The following CEP350 variants were observed in gnomAD, a reference collection of about 807,000 sequenced individuals.
CEP350 encodes the protein centrosome-associated protein 350.
CEP350 carries 126 observed loss-of-function variants against 331.8 expected under a neutral mutation model. The observed-to-expected ratio is 0.38, with a 90% CI of 0.33 to 0.44. CEP350 has a LOEUF of 0.44. CEP350 is among the 20% of genes least tolerant of loss of function. The pLI, the probability that CEP350 is intolerant of heterozygous loss-of-function variation, is 1.00. For missense variants in CEP350, 3,406 were observed against 3,634.6 expected, an observed-to-expected ratio of 0.94 and a Z score of 1.62; for synonymous variants, 1,200 against 1,259.5, an observed-to-expected ratio of 0.95 and a Z score of 1.00.
intron 29 of CEP350, among the ~76,000 whole-genome samples, chr1:180,078,979 A>C (rs1248287449): frequency 1.3e-5 from 2 of 152,172 alleles, no homozygotes; most frequent in Admixed American, 6.5e-5. Flanking sequence ...GTTTTTTCAC[A>C]TAACAAAAAC....
intron 14 of CEP350, among the ~76,000 whole-genome samples, chr1:180,027,368 C>A (rs1464148436): frequency 6.6e-6 from 1 of 152,044 alleles, no homozygotes; most frequent in East Asian, 1.9e-4. Flanking sequence ...GAATACTATT[C>A]TGTTTTGGCT....
At chr1:179,968,762 A>G (rs1020475073) in intron 1 of CEP350, 5 of 632,444 alleles carry the variant, frequency 7.9e-6, no homozygotes, top group African/African-American at 1.8e-5. Flanking sequence ...CAGTACATCT[A>G]TAAAAGGAAA....
chr1:180,110,603 T>C (rs981906514), intron 37 of CEP350, among the ~76,000 whole-genome samples: 1 of 152,238 alleles, frequency 6.6e-6, no homozygotes, highest in African/African-American at 2.4e-5. Flanking sequence ...GCGAATTTAT[T>C]GGACATAACT....
intron 14 of CEP350, among the ~76,000 whole-genome samples, chr1:180,029,821 C>A (rs1655897423): frequency 6.6e-6 from 1 of 152,196 alleles, no homozygotes; most frequent in Admixed American, 6.5e-5. Context: ...AATAATAACT[C>A]TCATTCTCCT....
intron 1 of CEP350, among the ~76,000 whole-genome samples, chr1:179,959,098 T>C (rs1298385288): frequency 1.2e-5 from 1 of 86,522 alleles, no homozygotes; most frequent in Non-Finnish European, 2.5e-5. Flanking sequence ...TTGAATGTGA[T>C]TTTTAGAGAT....
chr1:179,975,685 T>C (rs1651811451), intron 1 of CEP350, among the ~76,000 whole-genome samples: 1 of 152,148 alleles, frequency 6.6e-6, no homozygotes, highest in Non-Finnish European at 1.5e-5. Flanking sequence ...TCCAATTTAT[T>C]AAGAGTACAA....
chr1:180,043,188 G>C lies in CEP350; in HGVS notation c.4495G>C (p.Asp1499His). The change falls in exon 20 of 38, where the codon GAT (aspartate) becomes CAT (histidine). Residue 1499 changes from aspartate (D) to histidine (H), a missense_variant. Coordinates refer to ENST00000367607, the MANE Select transcript of CEP350 (RefSeq NM_014810.5). ...ACAGCTGAGGACCAGAACTGAAACA[G>C]ATAGGTTAATATTCATTCAGTCAGC... ...VKQLRTRTETDRKSPSVSLSQ... is the reference protein window; with the variant it reads ...VKQLRTRTETHRKSPSVSLSQ... The C allele has an allele frequency of 6.2e-7, 1 of 1,610,670 alleles. No homozygotes were observed. Among genetic ancestry groups the C allele is most frequent in the African/African-American group, 1.3e-5 (1 of 74,884 alleles).
chr1:180,004,148 A>G (rs1213677056), intron 7 of CEP350, among the ~76,000 whole-genome samples: 1 of 152,206 alleles, frequency 6.6e-6, no homozygotes, highest in African/African-American at 2.4e-5. Context: ...TTAGTTGAGT[A>G]TACTAGCTAT....
At chr1:180,025,256 A>T (rs957756584) in intron 14 of CEP350, among the ~76,000 whole-genome samples, 58 of 152,314 alleles carry the variant, frequency 3.8e-4, no homozygotes, top group African/African-American at 1.3e-3. Flanking sequence ...TTTTTAAAAA[A>T]ACTTTATAGT....
At chr1:180,064,276 C>G (rs1330137147) in intron 26 of CEP350, among the ~76,000 whole-genome samples, 1 of 152,082 alleles carries the variant, frequency 6.6e-6, no homozygotes, top group Non-Finnish European at 1.5e-5. Context: ...TTACCGGCCA[C>G]CCTCCTGCAT....
At chr1:180,076,109 C>A (rs1198626994) in intron 28 of CEP350, among the ~76,000 whole-genome samples, 3 of 151,670 alleles carry the variant, frequency 2.0e-5, no homozygotes, top group African/African-American at 7.3e-5. Context: ...GGAATTGTAC[C>A]CCAGTAACTA....
intron 30 of CEP350, among the ~76,000 whole-genome samples, chr1:180,082,144 C>T (rs1659609528): frequency 6.6e-6 from 1 of 152,112 alleles, no homozygotes; most frequent in Non-Finnish European, 1.5e-5. Flanking sequence ...ATGTTTCAAC[C>T]ATCCTTGCAT....
chr1:180,004,030 T>C (rs1379480754), intron 7 of CEP350, among the ~76,000 whole-genome samples: 1 of 152,198 alleles, frequency 6.6e-6, no homozygotes, highest in Admixed American at 6.5e-5. Flanking sequence ...TATACAACAC[T>C]CTATTCAGAA....
chr1:180,095,887 A>G lies in CEP350; in HGVS notation c.8876A>G (p.Lys2959Arg), dbSNP rs1242021194. 2 of 1,612,368 alleles carry G rather than the reference A, an allele frequency of 1.2e-6. No homozygotes were observed. The highest frequency in any genetic ancestry group is 3.4e-5 in the Admixed American group (2 of 59,692). The change falls in exon 35 of 38, where the codon AAA (lysine) becomes AGA (arginine). Residue 2959 changes from lysine to arginine, a missense_variant. Physicochemically the swap from Lys to Arg is conservative, Grantham distance 26. Coordinates refer to ENST00000367607, the MANE Select transcript of CEP350 (RefSeq NM_014810.5). ...IPTKLLGCAS[K>R]GLDIESTSKR... ...ACAAAACTGCTTGGCTGTGCCAGTA[A>G]AGGTCTAGATATAGAAAGCACTAGT...
Position 180,095,576 on chromosome 1 carries a change from T to C in CEP350, c.8565T>C (p.Ala2855=). The change falls in exon 35 of 38, where the codon GCT becomes GCC. Residue 2855 remains alanine (A), a synonymous_variant. Transcript: ENST00000367607. ...SGQEELAKRL[A]ELELSREFLS... ...AGGAAGAACTTGCTAAGAGACTTGC[T>C]GAACTTGAACTCAGCCGGGAGTTCC... 2 of 1,613,998 alleles carry C rather than the reference T, an allele frequency of 1.2e-6. No homozygotes were observed. The highest frequency in any genetic ancestry group is 1.7e-6 in the Non-Finnish European group (2 of 1,179,868).
At chr1:179,963,153 G>T (rs1650756102) in intron 1 of CEP350, among the ~76,000 whole-genome samples, 1 of 151,818 alleles carries the variant, frequency 6.6e-6, no homozygotes, top group African/African-American at 2.4e-5. Context: ...ACTTTTTAAT[G>T]GAGTTATTTT....
intron 3 of CEP350, among the ~76,000 whole-genome samples, chr1:179,989,983 G>A (rs1652928382): frequency 6.6e-6 from 1 of 151,954 alleles, no homozygotes; most frequent in Non-Finnish European, 1.5e-5. Flanking sequence ...GGGGTCAGGA[G>A]ATCGAGACCA....
chr1:180,031,566 A>C, intron 15 of CEP350, 72 bp downstream of exon 15: 1 of 768,642 alleles, frequency 1.3e-6, no homozygotes, highest in South Asian at 5.2e-5. Context: ...AATCCATATA[A>C]TGAATTTTAA....
intron 1 of CEP350, among the ~76,000 whole-genome samples, chr1:179,980,337 A>C (rs1178647892): frequency 6.7e-6 from 1 of 149,546 alleles, no homozygotes; most frequent in Non-Finnish European, 1.5e-5. Flanking sequence ...ATTTCTTTTT[A>C]AGGTAGTTCA....
Sources: gnomAD v4.1 joint callset for allele counts (sites outside exome capture counted in the v4.1 genomes callset) on GRCh38, gnomAD v4.1.1 for gene constraint, MANE v1.5 for transcripts, NCBI Gene and HGNC (gene_info 2026-07-23, HGNC 2026-07-21) for gene names.